Variants in BRINP1 observed in about 807,000 individuals in gnomAD.
BRINP1 encodes BMP/retinoic acid-inducible neural-specific protein 1.
Under a neutral mutation model 72.9 loss-of-function variants are expected in BRINP1, and 17 were observed. The observed-to-expected ratio is 0.23, with a 90% CI of 0.16 to 0.35. The LOEUF (loss-of-function observed/expected upper bound fraction) is 0.35. Among genes scored for constraint, BRINP1 ranks in the 10% least tolerant of loss-of-function variants. BRINP1 has a pLI of 1.00. For missense variants in BRINP1, 850 were observed against 1,001.6 expected (o/e 0.85, Z 2.04); for synonymous variants, 418 against 378.5 (o/e 1.10, Z -1.21).
intron 3 of BRINP1, among the ~76,000 whole-genome samples, chr9:119,243,062 T>A (rs1830274006): frequency 1.3e-5 from 2 of 152,040 alleles, no homozygotes; most frequent in Admixed American, 1.3e-4. Context: ...TGGTGCAAAT[T>A]TTTTTTTAAG....
chr9:119,353,855 T>TA (rs1831530213), intron 1 of BRINP1, among the ~76,000 whole-genome samples: 5 of 81,478 alleles, frequency 6.1e-5, no homozygotes, highest in African/African-American at 1.2e-4. Context: ...TTTTTTTTTT[T>TA]ACAATTTCAC....
At chr9:119,346,034 A>C (rs1178557785) in intron 1 of BRINP1, among the ~76,000 whole-genome samples, 4 of 152,102 alleles carry the variant, frequency 2.6e-5, no homozygotes, top group Admixed American at 2.6e-4. Flanking sequence ...CTTAACCACA[A>C]AGCATACTCA....
chr9:119,364,574 A>G (rs1289607640), intron 1 of BRINP1, among the ~76,000 whole-genome samples: 2 of 152,224 alleles, frequency 1.3e-5, no homozygotes, highest in African/African-American at 2.4e-5. Flanking sequence ...GTTGCCAACC[A>G]TTCATAATAG....
intron 1 of BRINP1, among the ~76,000 whole-genome samples, chr9:119,324,690 T>C (rs1831220250): frequency 6.6e-6 from 1 of 152,232 alleles, no homozygotes; most frequent in Admixed American, 6.5e-5. Flanking sequence ...GGAATTGAGA[T>C]ATTAGCTAGT....
chr9:119,338,931 G>A (rs982466039), intron 1 of BRINP1, among the ~76,000 whole-genome samples: 16 of 151,510 alleles, frequency 1.1e-4, no homozygotes, highest in Admixed American at 6.6e-5. Flanking sequence ...ACACAGGGGG[G>A]TGGGGAGAAA....
chr9:119,234,800 A>G (rs1040306369), intron 5 of BRINP1, among the ~76,000 whole-genome samples: 1 of 151,990 alleles, frequency 6.6e-6, no homozygotes. Context: ...TTTTTTTCCT[A>G]TGACTCCTCT....
intron 2 of BRINP1, among the ~76,000 whole-genome samples, chr9:119,284,398 G>T (rs1350332124): frequency 6.6e-6 from 1 of 152,166 alleles, no homozygotes; most frequent in African/African-American, 2.4e-5. Context: ...TACCAGCTGT[G>T]CCCTAGCTCT....
Position 119,368,525 on chromosome 9 carries a change from C to T in BRINP1, c.-51+531G>A, listed in dbSNP as rs1831719538. ...AAGCCCAGAGCCCCAAGAGGAAGTC[C>T]ACAGCGGGTTTCCCGGTGACTACGT... On this transcript the variant is annotated intron_variant, in intron 1 of 7. Transcript: ENST00000265922. This position sits in a 1 kb window ranked among gnomAD's most constrained non-coding sequence, Gnocchi z 4.7. Among the ~76,000 whole-genome samples, 1 of 152,086 alleles carries T rather than the reference C, an allele frequency of 6.6e-6. No homozygotes were observed. The highest frequency in any genetic ancestry group is 2.4e-5 in the African/African-American group (1 of 41,410).
At chr9:119,262,981 A>G (rs59646709) in intron 2 of BRINP1, among the ~76,000 whole-genome samples, 5,280 of 152,290 alleles carry the variant, frequency 0.035, 302 homozygotes, top group African/African-American at 0.12. Flanking sequence ...CGGAGGAAGT[A>G]CAAATAATAA....
At chr9:119,332,799 C>A (rs920521517) in intron 1 of BRINP1, among the ~76,000 whole-genome samples, 3 of 152,144 alleles carry the variant, frequency 2.0e-5, no homozygotes, top group Admixed American at 2.0e-4. Flanking sequence ...GGTCAGCTGG[C>A]CCTAGCTGCC....
At chr9:119,182,621 T>C (rs1829570264) in intron 7 of BRINP1, among the ~76,000 whole-genome samples, 1 of 152,208 alleles carries the variant, frequency 6.6e-6, no homozygotes, top group African/African-American at 2.4e-5. Context: ...TCTTCCAACA[T>C]GTGAAGACAC....
intron 2 of BRINP1, among the ~76,000 whole-genome samples, chr9:119,272,990 C>T (rs1166697451): frequency 6.6e-6 from 1 of 152,154 alleles, no homozygotes; most frequent in Non-Finnish European, 1.5e-5. Flanking sequence ...CATTCCTGGT[C>T]CCCTCCAACA....
At chr9:119,178,625 T>C (rs1489654403) in intron 7 of BRINP1, among the ~76,000 whole-genome samples, 1 of 152,226 alleles carries the variant, frequency 6.6e-6, no homozygotes. Context: ...TATTGAGTTC[T>C]CACTGTATAC....
At position 119,208,862 on chromosome 9, in the gene BRINP1, A is replaced by G. The variant is rs765292864; in HGVS notation, c.1002T>C (p.Asn334=). The G allele has an allele frequency of 1.2e-6, 2 of 1,614,086 alleles. No individual in the cohort carries two copies. Among genetic ancestry groups the G allele is most frequent in the Non-Finnish European group, 1.7e-6 (2 of 1,180,018 alleles). Residue 334 remains asparagine, a synonymous_variant, in exon 7 of 8, where the codon AAT becomes AAC. Transcript: ENST00000265922. ...TGTAGCGGTTCTGCAGGTCCCAGTC[A>G]TTGCCCCAGTGCTGATGGATGCTTC... ...TIGSIHQHWG[N]DWDLQNRYKL... is the part of the protein sequence containing the mutation.
At chr9:119,267,011 T>C (rs952325708) in intron 2 of BRINP1, among the ~76,000 whole-genome samples, 27 of 152,176 alleles carry the variant, frequency 1.8e-4, no homozygotes, top group African/African-American at 6.3e-4. Flanking sequence ...GAGATGCCAC[T>C]AGGCGGTCAC....
At chr9:119,170,168 C>T (rs1448635364) in intron 7 of BRINP1, among the ~76,000 whole-genome samples, 10 of 151,482 alleles carry the variant, frequency 6.6e-5, no homozygotes, top group African/African-American at 1.5e-4. Flanking sequence ...AGGCTTCAGA[C>T]GATCAAATTA....
In BRINP1 at chr9:119,368,916, C is replaced by T. The variant is rs959360562; in HGVS notation, c.-51+140G>A. ...CCTAGAACTGGAGAAGACTTGGAGG[C>T]GGCGGGGCGGCCAGGTGAAGAGCGG... is the stretch of plus-strand genomic sequence containing the variant. On this transcript the variant is annotated intron_variant, in intron 1 of 7. Coordinates refer to ENST00000265922, the MANE Select transcript of BRINP1 (RefSeq NM_014618.3). The surrounding 1 kb of genome is among the most constrained non-coding windows in gnomAD (Gnocchi z 4.7). 8.2e-6 allele frequency: 3 copies of T among 365,730 alleles called. No homozygotes were observed. The highest frequency in any genetic ancestry group is 9.7e-6 in the Non-Finnish European group (2 of 205,502). The allele number at this position is 365,730 out of a possible 1,614,324, so 22.7% of individuals were successfully genotyped here.
chr9:119,361,190 C>T (rs1327245653), intron 1 of BRINP1, among the ~76,000 whole-genome samples: 1 of 152,138 alleles, frequency 6.6e-6, no homozygotes, highest in Admixed American at 6.6e-5. Context: ...CTTAAGGCCA[C>T]TTGCAATCTC....
At chr9:119,283,217 C>T (rs1830730399) in intron 2 of BRINP1, 1 of 977,858 alleles carries the variant, frequency 1.0e-6, no homozygotes, top group African/African-American at 1.8e-5. Context: ...AACAGTAGTC[C>T]TCATCGTCCC....
Sources: allele counts gnomAD v4.1 joint callset (sites outside exome capture counted in the v4.1 genomes callset), GRCh38; gene constraint gnomAD v4.1.1; non-coding constraint Gnocchi (gnomAD v3.1); transcripts MANE v1.5; gene names NCBI Gene and HGNC (gene_info 2026-07-23, HGNC 2026-07-21).